Variants in FOXP2 observed in about 807,000 individuals in gnomAD.
FOXP2 encodes forkhead box P2, also known as forkhead box protein P2.
In FOXP2, 12 loss-of-function variants were observed where a neutral mutation model predicts 115.8. The ratio of observed to expected loss-of-function variants is 0.10; its 90% CI spans 0.07 to 0.17. The LOEUF (loss-of-function observed/expected upper bound fraction) is 0.17, where lower values mean the gene tolerates loss of function less well. Ranked by LOEUF, FOXP2 falls within the 10% of genes least tolerant of loss-of-function variation. FOXP2 has a pLI of 1.00. For synonymous variants in FOXP2, 328 were observed against 297.7 expected (o/e 1.10, Z -1.05); for missense variants, 629 against 843.5 (o/e 0.75, Z 3.15).
chr7:114,675,510 A>G (rs1807706630), intron 16 of FOXP2, among the ~76,000 whole-genome samples: 1 of 152,180 alleles, frequency 6.6e-6, no homozygotes, highest in South Asian at 2.1e-4. Flanking sequence ...ATAGAGTAAG[A>G]ATGAGGGTTT....
chr7:114,656,384 C>T, intron 10 of FOXP2: 1 of 254,056 alleles, frequency 3.9e-6, no homozygotes, highest in Non-Finnish European at 8.4e-6. Context: ...GTATGTAATG[C>T]TGATATTTTC....
intron 2 of FOXP2, among the ~76,000 whole-genome samples, chr7:114,333,363 G>T (rs747742010): frequency 7.2e-5 from 11 of 152,160 alleles, no homozygotes; most frequent in Non-Finnish European, 1.5e-4. Flanking sequence ...GCTACTGCTA[G>T]GTTTCCCTCA....
intron 7 of FOXP2, among the ~76,000 whole-genome samples, 190 bp downstream of exon 7, chr7:114,642,813 T>TATA (rs1491281422): frequency 3.6e-4 from 21 of 58,476 alleles, no homozygotes; most frequent in African/African-American, 2.0e-3. Context: ...TATATATATA[T>TATA]TTTTTTTTTT....
At chr7:114,506,266 C>T (rs1392037403) in intron 2 of FOXP2, among the ~76,000 whole-genome samples, 2 of 151,648 alleles carry the variant, frequency 1.3e-5, no homozygotes, top group African/African-American at 2.4e-5. Flanking sequence ...GGCAAGATTA[C>T]GTGAATCTGA....
At chr7:114,198,253 C>A (rs1231761136) in intron 1 of FOXP2, among the ~76,000 whole-genome samples, 2 of 152,144 alleles carry the variant, frequency 1.3e-5, no homozygotes, top group Non-Finnish European at 2.9e-5. Flanking sequence ...CATTCAAACA[C>A]TCTACTGATT....
chr7:114,465,256 C>T (rs758267653), intron 2 of FOXP2, among the ~76,000 whole-genome samples: 30 of 152,154 alleles, frequency 2.0e-4, no homozygotes, highest in Non-Finnish European at 1.8e-4. Context: ...TGAGCCACAA[C>T]GTCTAGCCTT....
At position 114,642,334 on chromosome 7, in the gene FOXP2, A is replaced by G. The variant is rs186736654; in HGVS notation, c.776-76A>G. On this transcript the variant is annotated intron_variant, in intron 6 of 16. Transcript: ENST00000350908. Reference sequence around the variant, plus strand: ...TCACTGTTGTTGTTGGTATTAATCTATTAATAACACAAAGCTCATTATATA... The same window carrying G: ...TCACTGTTGTTGTTGGTATTAATCTGTTAATAACACAAAGCTCATTATATA... 283 of 1,149,230 alleles carry G rather than the reference A, an allele frequency of 2.5e-4. 3 individuals are homozygous for G. The East Asian group carries it at 6.9e-3, about 28-fold the overall frequency. The allele number at this position is 1,149,230 out of a possible 1,614,324, so 71.2% of individuals were successfully genotyped here.
At chr7:114,131,103 G>A (rs1791863109) in intron 1 of FOXP2, among the ~76,000 whole-genome samples, 1 of 152,046 alleles carries the variant, frequency 6.6e-6, no homozygotes, top group African/African-American at 2.4e-5. Flanking sequence ...TGACAGTTTT[G>A]GCCTTTAATG....
chr7:114,593,845 T>C (rs1231196203), intron 3 of FOXP2, among the ~76,000 whole-genome samples: 1 of 152,020 alleles, frequency 6.6e-6, no homozygotes, highest in Non-Finnish European at 1.5e-5. Context: ...ATTTTATATA[T>C]ATGATGCTAA....
chr7:114,086,678 A>C (rs902709912), upstream of FOXP2: 1 of 281,808 alleles, frequency 3.5e-6, no homozygotes, highest in Non-Finnish European at 7.1e-6. Flanking sequence ...AGCCACCTCC[A>C]CGCTGGGCCG....
At chr7:114,372,825 G>A (rs572952374) in intron 2 of FOXP2, among the ~76,000 whole-genome samples, 3 of 152,074 alleles carry the variant, frequency 2.0e-5, no homozygotes, top group African/African-American at 4.8e-5. Flanking sequence ...GGAACTGACT[G>A]GAAATGTAGA....
intron 1 of FOXP2, among the ~76,000 whole-genome samples, chr7:114,234,349 G>T (rs1360659305): frequency 6.6e-6 from 1 of 152,174 alleles, no homozygotes; most frequent in Non-Finnish European, 1.5e-5. Context: ...AGGTTAAAAT[G>T]AGTGATCAAG....
At chr7:114,290,136 A>T (rs1004849322) in intron 2 of FOXP2, among the ~76,000 whole-genome samples, 1 of 151,832 alleles carries the variant, frequency 6.6e-6, no homozygotes, top group Non-Finnish European at 1.5e-5. Flanking sequence ...AAAATACTGG[A>T]TTTTTTCTTC....
At chr7:114,326,106 G>T (rs1387547746) in intron 2 of FOXP2, among the ~76,000 whole-genome samples, 4 of 152,110 alleles carry the variant, frequency 2.6e-5, no homozygotes, top group African/African-American at 9.7e-5. Flanking sequence ...TTCATGGTCT[G>T]ATCAGATTGA....
At chr7:114,679,763 A>C (rs187538904) in intron 16 of FOXP2, among the ~76,000 whole-genome samples, 2 of 152,220 alleles carry the variant, frequency 1.3e-5, no homozygotes, top group East Asian at 3.9e-4. Flanking sequence ...AGCCTACGTG[A>C]AGCTACACCA....
rs1394623422 is a variant in FOXP2, at chr7:114,150,714, T to A, written c.-246-12230T>A. Among the ~76,000 whole-genome samples, 4 of 152,082 alleles carry A rather than the reference T, an allele frequency of 2.6e-5. No homozygotes were observed. In the South Asian group the frequency reaches 8.3e-4, roughly 31 times the overall value. ...TACCAAAGAAAACTTTCAAAACTTC[T>A]TAAAATTGCAATTATGTCACTGGTG... On this transcript the variant is annotated intron_variant, in intron 1 of 19. Coordinates refer to the FOXP2 transcript ENST00000635638.
intron 2 of FOXP2, among the ~76,000 whole-genome samples, chr7:114,394,349 G>T (rs1383680342): frequency 6.6e-6 from 1 of 150,876 alleles, no homozygotes; most frequent in African/African-American, 2.4e-5. Context: ...TCATTATAAA[G>T]TAAATAATTA....
chr7:114,555,229 C>T lies in FOXP2; in HGVS notation c.258+20523C>T, dbSNP rs1009144096. ...CATTTCACAGAATAGGCACCTGAGG[C>T]TTAGAAAGGTTAAATTACATTATCT... On this transcript the variant is annotated intron_variant, in intron 3 of 16. Coordinates refer to ENST00000350908, the MANE Select transcript of FOXP2 (RefSeq NM_014491.4). Among the ~76,000 whole-genome samples the T allele has an allele frequency of 7.2e-5, 11 of 152,230 alleles. No individual in the cohort carries two copies. In the East Asian group the frequency reaches 1.9e-3, roughly 27 times the overall value.
intron 3 of FOXP2, among the ~76,000 whole-genome samples, chr7:114,600,801 G>A (rs1294544641): frequency 6.6e-6 from 1 of 151,970 alleles, no homozygotes; most frequent in East Asian, 1.9e-4. Context: ...ATCTTCTTTG[G>A]TGAGGTGTCT....
Sources: allele counts gnomAD v4.1 joint callset (sites outside exome capture counted in the v4.1 genomes callset), GRCh38; gene constraint gnomAD v4.1.1; transcripts MANE v1.5; gene names NCBI Gene and HGNC (gene_info 2026-07-23, HGNC 2026-07-21).